ARID1B: variants seen among roughly 807,000 people sequenced by gnomAD.
ARID1B encodes AT-rich interactive domain-containing protein 1B.
In ARID1B, 30 loss-of-function variants were observed where a neutral mutation model predicts 212.3. That is an observed-to-expected ratio of 0.14 (90% CI 0.11 to 0.19). The LOEUF (loss-of-function observed/expected upper bound fraction) is 0.19, where lower values mean the gene tolerates loss of function less well. Ranked by LOEUF, ARID1B falls within the 10% of genes least tolerant of loss-of-function variation. The probability of loss-of-function intolerance (pLI) is 1.00; values close to 1 mark genes in which losing one functional copy is unlikely to be tolerated. For synonymous variants in ARID1B, 1,402 were observed against 1,301.7 expected (o/e 1.08, Z -1.66); for missense variants, 2,891 against 3,204.0 (o/e 0.90, Z 2.36).
intron 2 of ARID1B, among the ~76,000 whole-genome samples, chr6:156,850,519 A>C (rs1157092125): frequency 6.6e-6 from 1 of 152,206 alleles, no homozygotes; most frequent in African/African-American, 2.4e-5. Context: ...AGAATGGGGA[A>C]GTGGAAACAC....
chr6:156,901,554 C>T, intron 3 of ARID1B, 29 bp downstream of exon 3: 2 of 1,599,286 alleles, frequency 1.3e-6, no homozygotes, highest in Non-Finnish European at 1.7e-6. Context: ...CCCGCAGGGC[C>T]CTGTTTTCTC....
intron 2 of ARID1B, among the ~76,000 whole-genome samples, chr6:156,851,049 G>A (rs1247473827): frequency 6.6e-6 from 1 of 152,170 alleles, no homozygotes; most frequent in East Asian, 1.9e-4. Flanking sequence ...AATGTTCTGT[G>A]TGGTTATATT....
chr6:157,152,657 G>C lies in ARID1B; in HGVS notation c.3089+3706G>C, dbSNP rs151110675. ...CTTGAATCTGAGAAAACATGTGTAT[G>C]ACATGTTTTAGTGCTCTGGGTTGAG... On this transcript the variant is annotated intron_variant, in intron 8 of 19. Coordinates refer to ENST00000636930, the MANE Select transcript of ARID1B (RefSeq NM_001374828.1). Among the ~76,000 whole-genome samples, 157 of 152,286 alleles carry C rather than the reference G, an allele frequency of 1.0e-3. 1 individual carries two copies. In the East Asian group the frequency reaches 0.029, roughly 28 times the overall value.
Position 157,094,880 on chromosome 6 carries a change from C to T in ARID1B, c.2491+9975C>T, listed in dbSNP as rs568360505. Reference sequence around the variant, plus strand: ...GGAGTAGTGGCAGAAGGAGTTTGGCCGAAGGAATTGGTAAATGATGGTTCT... The same window carrying T: ...GGAGTAGTGGCAGAAGGAGTTTGGCTGAAGGAATTGGTAAATGATGGTTCT... On this transcript the variant is annotated intron_variant, in intron 5 of 19. Transcript: ENST00000636930. This position sits in a 1 kb window ranked among gnomAD's most constrained non-coding sequence, Gnocchi z 4.3. 2.1e-4 allele frequency among the ~76,000 whole-genome samples: 32 copies of T among 152,084 alleles called. No individual in the cohort carries two copies. The South Asian group carries it at 3.1e-3, about 15-fold the overall frequency.
chr6:157,122,355 TA>T (rs546632211), intron 6 of ARID1B, among the ~76,000 whole-genome samples: 77 of 152,270 alleles, frequency 5.1e-4, no homozygotes, highest in Non-Finnish European at 1.0e-3. Context: ...TGCCCCTAAA[TA>T]AAACAGTCCT....
At chr6:157,122,328 T>C (rs911094670) in intron 6 of ARID1B, among the ~76,000 whole-genome samples, 5 of 152,228 alleles carry the variant, frequency 3.3e-5, no homozygotes, top group Admixed American at 2.6e-4. Context: ...ATGCTAATAT[T>C]ACTATTCACA....
At chr6:156,777,245 G>C (rs552998262), upstream of ARID1B, 1 of 150,976 alleles carries the variant, frequency 6.6e-6, no homozygotes, top group East Asian at 2.0e-4. Context: ...GCCCAAGCCC[G>C]GCTGGGTCCC....
At chr6:156,983,319 C>T (rs540446234) in intron 4 of ARID1B, among the ~76,000 whole-genome samples, 1 of 151,576 alleles carries the variant, frequency 6.6e-6, no homozygotes, top group South Asian at 2.1e-4. Context: ...CGCTTGAACC[C>T]AGGCGGCAGA....
At chr6:157,116,580 C>T (rs1427374396) in intron 6 of ARID1B, among the ~76,000 whole-genome samples, 2 of 150,902 alleles carry the variant, frequency 1.3e-5, no homozygotes, top group African/African-American at 4.9e-5. Context: ...TATGCTGAAG[C>T]AGAACCCCTA....
chr6:157,099,480 C>A (rs2128492224), intron 5 of ARID1B, among the ~76,000 whole-genome samples: 2 of 151,430 alleles, frequency 1.3e-5, no homozygotes, highest in African/African-American at 2.4e-5. Context: ...TCGCACCTGT[C>A]ACAGAGTTAT....
intron 4 of ARID1B, chr6:157,071,430 A>G (rs994218192): frequency 1.3e-5 from 2 of 152,254 alleles, no homozygotes; most frequent in Non-Finnish European, 2.9e-5. Flanking sequence ...GACTTCTACA[A>G]TTTCCAAATG....
chr6:157,091,545 G>C (rs1205265013), intron 5 of ARID1B, among the ~76,000 whole-genome samples: 1 of 152,210 alleles, frequency 6.6e-6, no homozygotes, highest in South Asian at 2.1e-4. Context: ...ATGAATCTCA[G>C]TTAGGAGTTA....
intron 4 of ARID1B, among the ~76,000 whole-genome samples, chr6:156,977,736 T>C (rs1464048154): frequency 6.6e-6 from 1 of 152,230 alleles, no homozygotes; most frequent in African/African-American, 2.4e-5. Context: ...ATTTTTATTG[T>C]GTGCCAGACA....
At position 157,206,929 on chromosome 6, in the gene ARID1B, C is replaced by T. The variant is rs772262995; in HGVS notation, c.6157C>T (p.Pro2053Ser). ...CGAGCCCAGGAGCCGAGACGAGACTCCTCTGTGTACCATCGCGCACTGGCA... is the reference window on the plus strand; with the variant it reads ...CGAGCCCAGGAGCCGAGACGAGACTTCTCTGTGTACCATCGCGCACTGGCA... ...EDEPRSRDET[P>S]LCTIAHWQDS... Residue 2053 changes from proline (P) to serine (S), a missense_variant, in exon 20 of 20, where the codon CCT becomes TCT. By Grantham distance (74) the Pro-to-Ser change is moderately conservative. Transcript: ENST00000636930. This position sits in a 1 kb window ranked among gnomAD's most constrained non-coding sequence, Gnocchi z 6.8. 2 of 1,614,042 alleles carry T rather than the reference C, an allele frequency of 1.2e-6. No homozygotes were observed. Among genetic ancestry groups the T allele is most frequent in the African/African-American group, 2.7e-5 (2 of 74,912 alleles).
At chr6:156,804,717 A>G (rs540863659) in intron 1 of ARID1B, among the ~76,000 whole-genome samples, 1 of 152,228 alleles carries the variant, frequency 6.6e-6, no homozygotes, top group East Asian at 1.9e-4. Flanking sequence ...CCTACAACAC[A>G]TGGGGATTAT....
At chr6:156,906,132 G>A (rs1789354760) in intron 3 of ARID1B, among the ~76,000 whole-genome samples, 1 of 152,156 alleles carries the variant, frequency 6.6e-6, no homozygotes, top group African/African-American at 2.4e-5. Context: ...ACTCTTAAGA[G>A]GGAGTGGCAT....
At chr6:157,037,241 T>C (rs1781391143) in intron 4 of ARID1B, among the ~76,000 whole-genome samples, 1 of 152,210 alleles carries the variant, frequency 6.6e-6, no homozygotes, top group African/African-American at 2.4e-5. Context: ...TCCAGTGTTA[T>C]TCATTGATTT....
At chr6:157,136,470 C>T (rs1342068182) in intron 7 of ARID1B, among the ~76,000 whole-genome samples, 2 of 152,152 alleles carry the variant, frequency 1.3e-5, no homozygotes, top group Non-Finnish European at 2.9e-5. Flanking sequence ...ACTGCCTTCT[C>T]ACCGGTTCAT....
chr6:156,804,624 A>G (rs1257488031), intron 1 of ARID1B, among the ~76,000 whole-genome samples: 1 of 152,092 alleles, frequency 6.6e-6, no homozygotes, highest in Non-Finnish European at 1.5e-5. Flanking sequence ...TAAAACCATC[A>G]GATTTCGTGA....
Sources: allele counts gnomAD v4.1 joint callset (sites outside exome capture counted in the v4.1 genomes callset), GRCh38; gene constraint gnomAD v4.1.1; non-coding constraint Gnocchi (gnomAD v3.1); transcripts MANE v1.5; gene names NCBI Gene and HGNC (gene_info 2026-07-23, HGNC 2026-07-21).